PHTF2: variants seen among roughly 807,000 people sequenced by gnomAD.
PHTF2 encodes putative homeodomain transcription factor 2.
Under a neutral mutation model 101.2 loss-of-function variants are expected in PHTF2, and 60 were observed. The ratio of observed to expected loss-of-function variants is 0.59; its 90% CI spans 0.48 to 0.73. The LOEUF (loss-of-function observed/expected upper bound fraction) is 0.73, where lower values mean the gene tolerates loss of function less well. Among genes scored for constraint, PHTF2 ranks in the 30% least tolerant of loss-of-function variants. The pLI, the probability that PHTF2 is intolerant of heterozygous loss-of-function variation, is 0.00. For synonymous variants in PHTF2, 311 were observed against 307.3 expected, an observed-to-expected ratio of 1.01 and a Z score of -0.13; for missense variants, 747 against 908.7, an observed-to-expected ratio of 0.82 and a Z score of 2.29.
At chr7:77,815,485 T>C (rs569058506) in intron 1 of PHTF2, among the ~76,000 whole-genome samples, 75 of 152,390 alleles carry the variant, frequency 4.9e-4, no homozygotes, top group African/African-American at 1.8e-3. Flanking sequence ...TTGTAGTTTT[T>C]ATCAAAGTTC....
chr7:77,884,129 T>C (rs1799625626), intron 3 of PHTF2, among the ~76,000 whole-genome samples: 2 of 152,208 alleles, frequency 1.3e-5, no homozygotes, highest in Non-Finnish European at 2.9e-5. Flanking sequence ...TCAGCAAATA[T>C]TAAAAGCTGG....
intron 10 of PHTF2, among the ~76,000 whole-genome samples, chr7:77,921,430 A>T (rs1399713900): frequency 6.6e-6 from 1 of 152,220 alleles, no homozygotes; most frequent in Non-Finnish European, 1.5e-5. Flanking sequence ...AAATTAAAAG[A>T]TGTTACCTCT....
intron 3 of PHTF2, among the ~76,000 whole-genome samples, chr7:77,857,082 A>C (rs1797242296): frequency 6.6e-6 from 1 of 152,218 alleles, no homozygotes; most frequent in African/African-American, 2.4e-5. Context: ...GGTTAAGGCA[A>C]GGCCAGAGAT....
At chr7:77,937,622 A>C (rs1805256365) in intron 12 of PHTF2, 88 bp from the exon 12 acceptor site, 1 of 414,252 alleles carries the variant, frequency 2.4e-6, no homozygotes, top group African/African-American at 2.1e-5. Flanking sequence ...TTGTGTGTGT[A>C]TATAGAGATA....
chr7:77,809,990 A>G lies in PHTF2; in HGVS notation c.-36+11019A>G, dbSNP rs1793310455. ...TGTGTATTAAGTCAATAGTTGGTAT[A>G]TAGGAAATTAACGTGATAAAGGAGG... is the stretch of plus-strand genomic sequence containing the variant. On this transcript the variant is annotated intron_variant, in intron 1 of 19. Coordinates refer to ENST00000416283, the Ensembl canonical transcript of PHTF2. 2.6e-5 allele frequency among the ~76,000 whole-genome samples: 4 copies of G among 152,234 alleles called. No individual in the cohort carries two copies. The South Asian group carries it at 8.3e-4, about 31-fold the overall frequency.
chr7:77,822,965 C>T (rs1467894980), intron 1 of PHTF2, among the ~76,000 whole-genome samples: 10 of 142,432 alleles, frequency 7.0e-5, no homozygotes, highest in African/African-American at 2.1e-4. Context: ...AGTGCAGTGG[C>T]GCGATCTCGG....
intron 3 of PHTF2, among the ~76,000 whole-genome samples, chr7:77,886,541 T>C (rs1018414910): frequency 6.6e-6 from 1 of 152,156 alleles, no homozygotes; most frequent in Non-Finnish European, 1.5e-5. Context: ...TCTCAGTGTA[T>C]AGAAACATAT....
chr7:77,956,778 T>C (rs1332966248), exon 20 of PHTF2: 1 of 152,584 alleles, frequency 6.6e-6, no homozygotes, highest in Non-Finnish European at 1.5e-5. Context: ...GAAACTATTG[T>C]ATCTCACAAA....
At chr7:77,907,327 T>C (rs2150855785) in intron 7 of PHTF2, among the ~76,000 whole-genome samples, 1 of 152,310 alleles carries the variant, frequency 6.6e-6, no homozygotes, top group South Asian at 2.1e-4. Context: ...TCTTTAAGTA[T>C]ATTAAAGTGT....
chr7:77,951,497 A>G, intron 17 of PHTF2, 120 bp from the exon 17 acceptor site: 1 of 513,636 alleles, frequency 1.9e-6, no homozygotes, highest in Non-Finnish European at 3.4e-6. Flanking sequence ...AATATATAGT[A>G]TAAAGACTAT....
At chr7:77,838,929 G>A (rs754918736) in intron 1 of PHTF2, among the ~76,000 whole-genome samples, 3 of 152,018 alleles carry the variant, frequency 2.0e-5, no homozygotes, top group Non-Finnish European at 4.4e-5. Flanking sequence ...AATTTTAGAG[G>A]TTTATCGTCT....
rs572832000 is a variant in PHTF2 at position 77,942,969 on chromosome 7, A to C, written c.1959+183A>C. On this transcript the variant is annotated intron_variant, in intron 16 of 19. Transcript: ENST00000416283. ...TATCTCTGTGCCATGAACAGTGAGC[A>C]TGTATGCTCAAATGTCTGTTGAATG... 2.0e-5 allele frequency among the ~76,000 whole-genome samples: 3 copies of C among 152,356 alleles called. No homozygotes were observed. In the East Asian group the frequency reaches 5.8e-4, roughly 29 times the overall value.
intron 16 of PHTF2, among the ~76,000 whole-genome samples, chr7:77,945,062 G>A (rs568856807): frequency 6.6e-6 from 1 of 152,346 alleles, no homozygotes; most frequent in African/African-American, 2.4e-5. Flanking sequence ...GGAGGAGGCT[G>A]GGTGTGGTGG....
At chr7:77,941,291 A>G (rs937734477) in intron 15 of PHTF2, among the ~76,000 whole-genome samples, 3 of 152,162 alleles carry the variant, frequency 2.0e-5, no homozygotes, top group African/African-American at 7.2e-5. Flanking sequence ...TATATTTAAA[A>G]AATTCATTGT....
chr7:77,934,213 CA>C (rs1484391959), intron 12 of PHTF2, among the ~76,000 whole-genome samples: 1 of 152,140 alleles, frequency 6.6e-6, no homozygotes, highest in Non-Finnish European at 1.5e-5. Flanking sequence ...AAACACTGAG[CA>C]TTTGAATTAG....
intron 2 of PHTF2, among the ~76,000 whole-genome samples, chr7:77,848,034 G>A (rs919578727): frequency 6.6e-6 from 1 of 151,918 alleles, no homozygotes; most frequent in African/African-American, 2.4e-5. Context: ...TGCACATGTC[G>A]GGATCTCATT....
At chr7:77,950,017 C>T (rs967086083) in intron 17 of PHTF2, among the ~76,000 whole-genome samples, 184 bp downstream of exon 16, 3 of 152,144 alleles carry the variant, frequency 2.0e-5, no homozygotes, top group Non-Finnish European at 1.5e-5. Context: ...TATTTCAAAT[C>T]CAATCTGCTT....
At chr7:77,894,523 A>T (rs1800721977) in intron 5 of PHTF2, among the ~76,000 whole-genome samples, 1 of 152,222 alleles carries the variant, frequency 6.6e-6, no homozygotes, top group East Asian at 1.9e-4. Flanking sequence ...AAAGAGCAAG[A>T]TTCTTTCCCA....
intron 1 of PHTF2, among the ~76,000 whole-genome samples, chr7:77,802,962 A>G (rs1792675257): frequency 6.6e-6 from 1 of 152,252 alleles, no homozygotes; most frequent in South Asian, 2.1e-4. Flanking sequence ...GACCAGAATC[A>G]TATGACTAAG....
Sources: gnomAD v4.1 joint callset for allele counts (sites outside exome capture counted in the v4.1 genomes callset) on GRCh38, gnomAD v4.1.1 for gene constraint, MANE v1.5 for transcripts, NCBI Gene and HGNC (gene_info 2026-07-23, HGNC 2026-07-21) for gene names.